Variants in EFCAB11 observed in about 807,000 individuals in gnomAD.
EFCAB11 encodes EF-hand calcium-binding domain-containing protein 11.
EFCAB11 carries 14 observed loss-of-function variants against 23.0 expected under a neutral mutation model. The observed-to-expected ratio is 0.61, with a 90% confidence interval of 0.40 to 0.95. The LOEUF (loss-of-function observed/expected upper bound fraction) is 0.95. Among genes scored for constraint, EFCAB11 ranks in the 40% least tolerant of loss-of-function variants. The pLI is 0.00. For missense variants in EFCAB11, 198 were observed against 195.8 expected (o/e 1.01, Z -0.07); for synonymous variants, 65 against 66.6 (o/e 0.98, Z 0.11).
At chr14:89,827,787 C>T (rs1886749742) in intron 5 of EFCAB11, among the ~76,000 whole-genome samples, 1 of 152,032 alleles carries the variant, frequency 6.6e-6, no homozygotes, top group Admixed American at 6.6e-5. Flanking sequence ...GCATGTGCCA[C>T]CATGCCCCGC....
intron 1 of EFCAB11, chr14:89,954,290 G>C (rs1041951861): frequency 6.8e-7 from 1 of 1,478,466 alleles, no homozygotes; most frequent in Non-Finnish European, 9.1e-7. Flanking sequence ...TTCAGTCCTG[G>C]AGTTAGGAAG....
chr14:89,807,874 C>T (rs1008459763), intron 5 of EFCAB11, among the ~76,000 whole-genome samples: 1 of 151,900 alleles, frequency 6.6e-6, no homozygotes, highest in African/African-American at 2.4e-5. Context: ...AAGATAAATC[C>T]TCAATTCGGT....
At chr14:89,936,048 T>C (rs1222294132) in intron 3 of EFCAB11, among the ~76,000 whole-genome samples, 1 of 151,826 alleles carries the variant, frequency 6.6e-6, no homozygotes, top group Non-Finnish European at 1.5e-5. Context: ...AATGATCTTA[T>C]AACTCTGTAA....
intron 5 of EFCAB11, among the ~76,000 whole-genome samples, chr14:89,838,967 T>C (rs1056844895): frequency 8.5e-5 from 13 of 152,290 alleles, no homozygotes; most frequent in Admixed American, 7.8e-4. Flanking sequence ...TCTAAAGGAC[T>C]GAGTAGTTTT....
chr14:89,877,851 T>C (rs928383401), intron 5 of EFCAB11, among the ~76,000 whole-genome samples: 9 of 152,206 alleles, frequency 5.9e-5, no homozygotes, highest in African/African-American at 2.2e-4. Context: ...TGAGAGGCAC[T>C]GCACACTTTA....
chr14:89,924,611 G>A (rs1473407127), intron 5 of EFCAB11: 1 of 1,535,188 alleles, frequency 6.5e-7, no homozygotes, highest in Admixed American at 2.0e-5. Context: ...GGCAGGCAAA[G>A]TCAAGAAAGA....
intron 2 of EFCAB11, among the ~76,000 whole-genome samples, chr14:89,951,372 G>C (rs546827601): frequency 7.4e-4 from 113 of 152,190 alleles, no homozygotes; most frequent in Non-Finnish European, 1.2e-3. Context: ...ACTTATCAGA[G>C]TAGTCTATCT....
At chr14:89,892,176 A>G (rs1374054429) in intron 5 of EFCAB11, 3 of 1,577,408 alleles carry the variant, frequency 1.9e-6, no homozygotes, top group Non-Finnish European at 2.6e-6. Context: ...GTTGGCCACA[A>G]GAGTGACCTG....
intron 5 of EFCAB11, among the ~76,000 whole-genome samples, chr14:89,834,924 C>G (rs1389575884): frequency 6.6e-6 from 1 of 152,140 alleles, no homozygotes; most frequent in Non-Finnish European, 1.5e-5. Context: ...AGAAATAGTA[C>G]CCCTGCCATT....
At chr14:89,823,886 C>G (rs978425119) in intron 5 of EFCAB11, among the ~76,000 whole-genome samples, 11 of 151,996 alleles carry the variant, frequency 7.2e-5, no homozygotes, top group African/African-American at 2.4e-4. Flanking sequence ...ATTCTCCAAA[C>G]TAAATCTGAG....
intron 5 of EFCAB11, among the ~76,000 whole-genome samples, chr14:89,922,020 G>A (rs1221213773): frequency 2.0e-5 from 3 of 152,130 alleles, no homozygotes; most frequent in South Asian, 2.1e-4. Flanking sequence ...TTCATGATGT[G>A]TGGCTATTAA....
intron 5 of EFCAB11, among the ~76,000 whole-genome samples, chr14:89,879,907 A>G (rs1304842250): frequency 1.3e-5 from 2 of 152,232 alleles, no homozygotes; most frequent in African/African-American, 4.8e-5. Context: ...GAAAACTTTT[A>G]GCAAAATTCA....
chr14:89,840,770 AC>A (rs138828363), intron 5 of EFCAB11, among the ~76,000 whole-genome samples: 2,056 of 152,306 alleles, frequency 0.013, 23 homozygotes, highest in Non-Finnish European at 0.017. Flanking sequence ...TGAAGATTTA[AC>A]CTGGTGAACA....
intron 5 of EFCAB11, among the ~76,000 whole-genome samples, chr14:89,907,635 TA>T: frequency 6.6e-6 from 1 of 152,314 alleles, no homozygotes; most frequent in East Asian, 1.9e-4. Flanking sequence ...GGCCTTTAAA[TA>T]AAATGGTTCC....
chr14:89,833,428 A>G (rs1176027142), intron 5 of EFCAB11, among the ~76,000 whole-genome samples: 3 of 152,212 alleles, frequency 2.0e-5, no homozygotes, highest in East Asian at 3.8e-4. Flanking sequence ...TATCCACTCT[A>G]AGATTTCTTG....
chr14:89,873,220 C>T (rs1310724876), intron 5 of EFCAB11, among the ~76,000 whole-genome samples: 2 of 152,140 alleles, frequency 1.3e-5, no homozygotes, highest in African/African-American at 4.8e-5. Context: ...AGAACTTGTG[C>T]AGGGGAACTC....
chr14:89,950,781 A>G (rs1183579497), intron 2 of EFCAB11, among the ~76,000 whole-genome samples: 2 of 152,178 alleles, frequency 1.3e-5, no homozygotes, highest in Non-Finnish European at 2.9e-5. Flanking sequence ...GAGCCTTCGC[A>G]GCATCTGACA....
chr14:89,907,344 A>G (rs961973242), intron 5 of EFCAB11, among the ~76,000 whole-genome samples: 2 of 152,256 alleles, frequency 1.3e-5, no homozygotes, highest in Admixed American at 1.3e-4. Flanking sequence ...TAAACAGTTC[A>G]TGACAGTAAA....
At chr14:89,857,993 C>T (rs910350433) in intron 5 of EFCAB11, among the ~76,000 whole-genome samples, 1 of 152,142 alleles carries the variant, frequency 6.6e-6, no homozygotes, top group South Asian at 2.1e-4. Context: ...TGCTTTCAGA[C>T]CCTGGACAAA....
Sources: gnomAD v4.1 joint callset for allele counts (sites outside exome capture counted in the v4.1 genomes callset) on GRCh38, gnomAD v4.1.1 for gene constraint, MANE v1.5 for transcripts, NCBI Gene and HGNC (gene_info 2026-07-23, HGNC 2026-07-21) for gene names.